Variants in COLEC12 observed in about 807,000 individuals in gnomAD.
COLEC12 encodes the protein collectin-12.
Under a neutral mutation model 71.1 loss-of-function variants are expected in COLEC12, and 33 were observed. The ratio of observed to expected loss-of-function variants is 0.46; its 90% CI spans 0.35 to 0.62. The LOEUF (loss-of-function observed/expected upper bound fraction) is 0.62. Ranked by LOEUF, COLEC12 falls within the 20% of genes least tolerant of loss-of-function variation. The pLI, the probability that COLEC12 is intolerant of heterozygous loss-of-function variation, is 0.00. For missense variants in COLEC12, 765 were observed against 916.1 expected, an observed-to-expected ratio of 0.84 and a Z score of 2.13; for synonymous variants, 350 against 353.0, an observed-to-expected ratio of 0.99 and a Z score of 0.10.
intron 2 of COLEC12, among the ~76,000 whole-genome samples, chr18:475,390 C>T (rs61643868): frequency 0.058 from 8,894 of 152,182 alleles, 468 homozygotes; most frequent in East Asian, 0.28. Context: ...TTCTGCAGGG[C>T]TGCGGTGAGA....
At chr18:436,540 A>T in intron 2 of COLEC12, among the ~76,000 whole-genome samples, 1 of 87,294 alleles carries the variant, frequency 1.1e-5, no homozygotes. Context: ...GGGGGGGGGG[A>T]AACAGGGGTG....
Position 316,910 on chromosome 18 carries a change from T to C in COLEC12, c.*3135A>G, listed in dbSNP as rs1367948927. ...ACTCTCCACTCCAAAAGAGCATCAGTTGTGTGTAGGTGAATAGAAAGCTGG... is the reference window on the plus strand; with the variant it reads ...ACTCTCCACTCCAAAAGAGCATCAGCTGTGTGTAGGTGAATAGAAAGCTGG... On this transcript the variant is annotated 3_prime_UTR_variant, in exon 10 of 10. Transcript: ENST00000400256. The C allele has an allele frequency of 6.6e-6, 1 of 152,156 alleles. No homozygotes were observed. Among genetic ancestry groups the C allele is most frequent in the Non-Finnish European group, 1.5e-5 (1 of 68,020 alleles). 9.4% of individuals were successfully genotyped at this position (152,156 alleles called of 1,614,324 possible).
At position 346,638 on chromosome 18, in the gene COLEC12, C is replaced by A; in HGVS notation, c.984G>T (p.Lys328Asn). 6.2e-7 allele frequency: 1 copy of A among 1,614,240 alleles called. No homozygotes were observed. The highest frequency in any genetic ancestry group is 8.5e-7 in the Non-Finnish European group (1 of 1,180,042). Reference sequence around the variant, plus strand: ...GGAAGCGTTCCTCCAGTTGGTTGAACTTGATGGCTGTTCTATTCTCTGCAT... The same window carrying A: ...GGAAGCGTTCCTCCAGTTGGTTGAAATTGATGGCTGTTCTATTCTCTGCAT... ...HKDAENRTAI[K>N]FNQLEERFQL... Residue 328 changes from lysine to asparagine, a missense_variant, in exon 5 of 10, where the codon AAG becomes AAT. Coordinates refer to ENST00000400256, the MANE Select transcript of COLEC12 (RefSeq NM_130386.3). This position sits in a 1 kb window ranked among gnomAD's most constrained non-coding sequence, Gnocchi z 4.0.
intron 2 of COLEC12, among the ~76,000 whole-genome samples, chr18:477,039 T>C (rs1030482490): frequency 6.6e-6 from 1 of 152,084 alleles, no homozygotes; most frequent in Non-Finnish European, 1.5e-5. Context: ...GCCCAGAACT[T>C]TGGGAACGGG....
intron 8 of COLEC12, 152 bp from the exon 9 acceptor site, chr18:321,959 T>A: frequency 1.3e-6 from 1 of 743,362 alleles, no homozygotes; most frequent in South Asian, 1.9e-5. Context: ...ATGCTCTTAT[T>A]CAGAGAAAGG....
chr18:453,557 C>T (rs11081120), intron 2 of COLEC12, among the ~76,000 whole-genome samples: 35,785 of 151,850 alleles, frequency 0.24, 4,244 homozygotes, highest in East Asian at 0.28. Context: ...CTAAGTTCTC[C>T]CTCCTCTTCT....
At chr18:458,174 G>A (rs546070686) in intron 2 of COLEC12, among the ~76,000 whole-genome samples, 2 of 152,170 alleles carry the variant, frequency 1.3e-5, no homozygotes, top group South Asian at 4.1e-4. Context: ...TTCTTTTACT[G>A]TTTTCCATGA....
intron 2 of COLEC12, among the ~76,000 whole-genome samples, chr18:442,443 T>A (rs1005990241): frequency 6.6e-6 from 1 of 152,158 alleles, no homozygotes; most frequent in Non-Finnish European, 1.5e-5. Flanking sequence ...TGCTGATGCG[T>A]AGCACCAAGC....
chr18:335,676 C>T (rs1914103506), intron 5 of COLEC12, among the ~76,000 whole-genome samples: 1 of 152,202 alleles, frequency 6.6e-6, no homozygotes, highest in African/African-American at 2.4e-5. Flanking sequence ...TGATCTTGGA[C>T]TTGCGGCCTC....
chr18:422,050 T>G (rs975592495), intron 2 of COLEC12, among the ~76,000 whole-genome samples: 1 of 152,160 alleles, frequency 6.6e-6, no homozygotes, highest in South Asian at 2.1e-4. Context: ...GCAAGCCACA[T>G]GGCTGAGAGT....
At chr18:343,330 G>A (rs1163619062) in intron 5 of COLEC12, among the ~76,000 whole-genome samples, 4 of 152,078 alleles carry the variant, frequency 2.6e-5, no homozygotes, top group African/African-American at 7.2e-5. Flanking sequence ...GGGGGAGGCC[G>A]GCCGGGACCT....
Position 346,548 on chromosome 18 carries a change from C to T in COLEC12, c.1074G>A (p.Arg358=), listed in dbSNP as rs777238741. ...SNISYTAHHL[R]TLTSNLNEVR... is the part of the protein sequence containing the mutation. ...CTTCATTTAGATTGCTGGTCAGCGT[C>T]CGCAGGTGGTGGGCTGTGTAACTGA... Residue 358 remains arginine (R), a synonymous_variant, in exon 5 of 10, where the codon CGG becomes CGA. Transcript: ENST00000400256. This position sits in a 1 kb window ranked among gnomAD's most constrained non-coding sequence, Gnocchi z 4.0. 1.2e-6 allele frequency: 2 copies of T among 1,614,204 alleles called. No individual in the cohort carries two copies. The highest frequency in any genetic ancestry group is 3.3e-5 in the Admixed American group (2 of 60,030).
At position 319,945 on chromosome 18, in the gene COLEC12, T is replaced by C; in HGVS notation, c.*100A>G. 1 of 431,174 alleles carries C rather than the reference T, an allele frequency of 2.3e-6. No homozygotes were observed. The highest frequency in any genetic ancestry group is 4.1e-6 in the Non-Finnish European group (1 of 246,224). The allele number at this position is 431,174 out of a possible 1,614,324, so 26.7% of individuals were successfully genotyped here. On this transcript the variant is annotated 3_prime_UTR_variant, in exon 10 of 10. Transcript: ENST00000400256. Reference sequence around the variant, plus strand: ...TTTTTCAGTAATTGGTTTTCAGTGCTTTTTTTTTTTCAATCTGATGAGAAG... The same window carrying C: ...TTTTTCAGTAATTGGTTTTCAGTGCCTTTTTTTTTTCAATCTGATGAGAAG...
intron 1 of COLEC12, among the ~76,000 whole-genome samples, chr18:488,033 A>G (rs1364554043): frequency 6.6e-6 from 1 of 152,190 alleles, no homozygotes; most frequent in African/African-American, 2.4e-5. Flanking sequence ...AATACCTCAG[A>G]AAAAAACAAA....
At chr18:491,278 C>T (rs944939598) in intron 1 of COLEC12, among the ~76,000 whole-genome samples, 1 of 152,196 alleles carries the variant, frequency 6.6e-6, no homozygotes, top group African/African-American at 2.4e-5. Context: ...TTTGGAATGT[C>T]CCCTTGATGT....
Position 318,659 on chromosome 18 carries a change from ATTTTC to A in COLEC12, c.*1381_*1385del, listed in dbSNP as rs1240781288. On this transcript the variant is annotated 3_prime_UTR_variant, in exon 10 of 10. Transcript: ENST00000400256. ...AGGCATGTGCCACTACACCCGGCTA[ATTTTC>A]TTATTTTTAGTAGAGATGGGGTTTT... 1 of 151,208 alleles carries A rather than the reference ATTTTC, an allele frequency of 6.6e-6. No homozygotes were observed. The highest frequency in any genetic ancestry group is 1.5e-5 in the Non-Finnish European group (1 of 67,858). The allele number at this position is 151,208 out of a possible 1,614,324, so 9.4% of individuals were successfully genotyped here.
chr18:437,197 T>C (rs962158882), intron 2 of COLEC12, among the ~76,000 whole-genome samples: 2 of 152,178 alleles, frequency 1.3e-5, no homozygotes, highest in Admixed American at 1.3e-4. Context: ...ACACTGATGA[T>C]AGGACTGTGA....
At chr18:431,988 GC>G (rs957036170) in intron 2 of COLEC12, among the ~76,000 whole-genome samples, 5 of 152,060 alleles carry the variant, frequency 3.3e-5, no homozygotes, top group African/African-American at 9.7e-5. Context: ...CTGTCACAAA[GC>G]CCCCCACACT....
At chr18:456,839 TC>T (rs1392871842) in intron 2 of COLEC12, among the ~76,000 whole-genome samples, 2 of 152,100 alleles carry the variant, frequency 1.3e-5, no homozygotes, top group Non-Finnish European at 2.9e-5. Context: ...ACATCAGAGC[TC>T]TACCCAGAAA....
Sources: gnomAD v4.1 joint callset for allele counts (sites outside exome capture counted in the v4.1 genomes callset) on GRCh38, gnomAD v4.1.1 for gene constraint, Gnocchi (gnomAD v3.1) non-coding constraint, MANE v1.5 for transcripts, NCBI Gene and HGNC (gene_info 2026-07-23, HGNC 2026-07-21) for gene names.